GTPBP6: variants seen among roughly 807,000 people sequenced by gnomAD.
The protein encoded by GTPBP6 is putative GTP-binding protein 6.
Under a neutral mutation model 28.9 loss-of-function variants are expected in GTPBP6, and 33 were observed. The ratio of observed to expected loss-of-function variants is 1.14; its 90% confidence interval spans 0.87 to 1.53. The LOEUF is 1.53. Ranked by LOEUF, GTPBP6 falls within the 40% of genes most tolerant of loss-of-function variation. The probability of loss-of-function intolerance (pLI) is 0.00; values close to 1 mark genes in which losing one functional copy is unlikely to be tolerated. For synonymous variants in GTPBP6, 231 were observed against 192.7 expected, an observed-to-expected ratio of 1.20 and a Z score of -1.65; for missense variants, 507 against 408.3, an observed-to-expected ratio of 1.24 and a Z score of -2.08.
At chrX:315,321 G>T (rs1214354687) in intron 2 of GTPBP6, 22 bp from the exon 3 acceptor site, 5 of 398,266 alleles carry the variant, frequency 1.3e-5, no homozygotes, top group African/African-American at 8.2e-5. Context: ...AGGGGGTCCC[G>T]TCAGAGGCTG....
exon 6 of GTPBP6, chrX:312,800 G>A (rs1477975733): frequency 3.1e-6 from 5 of 1,612,374 alleles, no homozygotes; most frequent in African/African-American, 1.3e-5. Flanking sequence ...AGATCACGGG[G>A]AACTCCCGCC....
chrX:312,073 GGA>G (rs2070313175), intron 6 of GTPBP6: 2 of 454,100 alleles, frequency 4.4e-6, no homozygotes, highest in South Asian at 3.5e-5. Flanking sequence ...TGTAGACAGA[GGA>G]GAGGCGATGG....
rs778447172 is a variant in GTPBP6 at position 312,833 on chromosome X, G to A, written c.849C>T (p.His283=). ...GCCTCGTCCGCTGCCGGCGGAGCAG[G>A]TGCCTCTTCTTGCGAAGCCTGTCCA... Residue 283 remains histidine, a synonymous_variant, in exon 6 of 10, where the codon CAC becomes CAT. Transcript: ENST00000326153. 166 of 1,612,866 alleles carry A rather than the reference G, an allele frequency of 1.0e-4. 2 individuals carry two copies. In the South Asian group the frequency reaches 1.8e-3, roughly 17 times the overall value.
intron 1 of GTPBP6, among the ~76,000 whole-genome samples, chrX:317,489 C>T (rs1386985833): frequency 1.4e-5 from 2 of 142,786 alleles, no homozygotes; most frequent in East Asian, 2.0e-4. Context: ...CAGGAGCTTC[C>T]AAGGGAAAAA....
At chrX:308,699 CA>C (rs1416164153) in intron 7 of GTPBP6, among the ~76,000 whole-genome samples, 1 of 140,070 alleles carries the variant, frequency 7.1e-6, no homozygotes. Flanking sequence ...AAAGTAAAAA[CA>C]AAAAAAATAA....
Position 306,617 on chromosome X carries a change from G to A in GTPBP6, c.1427+743C>T, listed in dbSNP as rs759481186. 3.3e-5 allele frequency among the ~76,000 whole-genome samples: 5 copies of A among 149,964 alleles called. No individual in the cohort carries two copies. In the South Asian group the frequency reaches 1.1e-3, roughly 32 times the overall value. On this transcript the variant is annotated intron_variant, in intron 9 of 9. Transcript: ENST00000326153. ...ATTAGGCACCTGTTGTATGCAGTCA[G>A]AAATGTACATTTTGACTGTCAGCAC...
In GTPBP6 at chrX:307,979, G is replaced by A. The variant is rs1487216985; in HGVS notation, c.1126-99C>T. 3.6e-6 allele frequency: 4 copies of A among 1,099,892 alleles called. 1 individual carries two copies. Among genetic ancestry groups the A allele is most frequent in the South Asian group, 2.2e-5 (1 of 45,464 alleles). 68.1% of individuals were successfully genotyped at this position (1,099,892 alleles called of 1,614,324 possible). On this transcript the variant is annotated intron_variant, in intron 7 of 9. Coordinates refer to ENST00000326153, the Ensembl canonical transcript of GTPBP6. ...AGAGGGGCTCACACGAGCTCCCAAC[G>A]ACAGGCTGGGCATGGGAGGTACGCC...
intron 4 of GTPBP6, among the ~76,000 whole-genome samples, chrX:314,496 G>A (rs1336987191): frequency 3.3e-5 from 5 of 149,746 alleles, no homozygotes; most frequent in African/African-American, 9.8e-5. Context: ...TTTTTTAGAC[G>A]GAGTCTCGCT....
At chrX:317,661 A>AG (rs1250337377) in intron 1 of GTPBP6, among the ~76,000 whole-genome samples, 2 of 150,204 alleles carry the variant, frequency 1.3e-5, no homozygotes, top group Non-Finnish European at 3.0e-5. Flanking sequence ...AGAGAAACGT[A>AG]GGTCCCATCG....
At chrX:307,776 C>T (rs1441364311) in exon 8 of GTPBP6, 4 of 1,535,150 alleles carry the variant, frequency 2.6e-6, no homozygotes, top group South Asian at 1.2e-5. Flanking sequence ...CCATGGAGTC[C>T]AGGAGCGGGG....
At position 305,190 on chromosome X, in the gene GTPBP6, A is replaced by G. The variant is rs749841567; in HGVS notation, c.1435T>C (p.Tyr479His). 14 of 1,613,186 alleles carry G rather than the reference A, an allele frequency of 8.7e-6. No homozygotes were observed. In the Admixed American group the frequency reaches 1.8e-4, roughly 21 times the overall value. Residue 479 changes from tyrosine (Y) to histidine (H), a missense_variant, in exon 10 of 10, where the codon TAT becomes CAT. Coordinates refer to ENST00000326153, the Ensembl canonical transcript of GTPBP6. ...ACCTCCTGAACTGTGGCCTCCTTATACAGCCAGCTGGGCACAGATGCGCGT... is the reference window on the plus strand; with the variant it reads ...ACCTCCTGAACTGTGGCCTCCTTATGCAGCCAGCTGGGCACAGATGCGCGT...
exon 10 of GTPBP6, chrX:305,052 G>C (rs377648635): frequency 6.2e-7 from 1 of 1,609,850 alleles, no homozygotes; most frequent in Non-Finnish European, 8.5e-7. Flanking sequence ...CCCCCACCCC[G>C]CAGGCCTCTG....
chrX:315,400 A>C (rs1602978094), intron 2 of GTPBP6, 101 bp from the exon 3 acceptor site: 3 of 398,422 alleles, frequency 7.5e-6, no homozygotes, highest in South Asian at 1.3e-4. Flanking sequence ...CGGAGAGCTC[A>C]CTTCACAGGC....
chrX:311,360 C>T, intron 7 of GTPBP6, 59 bp downstream of exon 7: 2 of 1,193,086 alleles, frequency 1.7e-6, no homozygotes, highest in Non-Finnish European at 2.4e-6. Flanking sequence ...TGTCTGAGTG[C>T]CCAGCCCCCG....
chrX:317,174 G>A (rs1184223700), intron 1 of GTPBP6, 123 bp from the exon 2 acceptor site: 4 of 397,958 alleles, frequency 1.0e-5, no homozygotes, highest in African/African-American at 8.2e-5. Flanking sequence ...TTGAGCCGCC[G>A]TTTGTCCCCC....
intron 6 of GTPBP6, chrX:311,844 G>A (rs949538658): frequency 1.3e-4 from 76 of 591,326 alleles, no homozygotes; most frequent in East Asian, 1.2e-3. Context: ...GCCGCCGTGC[G>A]GACACGGGGG....
At chrX:305,045 C>T in exon 10 of GTPBP6, 1 of 1,609,054 alleles carries the variant, frequency 6.2e-7, no homozygotes, top group Non-Finnish European at 8.5e-7. Context: ...AGCGATGCCC[C>T]CACCCCGCAG....
intron 1 of GTPBP6, 51 bp downstream of exon 1, chrX:318,388 C>A (rs1334899203): frequency 2.5e-6 from 1 of 398,124 alleles, no homozygotes; most frequent in African/African-American, 2.1e-5. Context: ...CAGAGCCCCG[C>A]CCCCAGGTCT....
At chrX:308,072 G>A (rs941615029) in intron 7 of GTPBP6, among the ~76,000 whole-genome samples, 192 bp from the exon 8 acceptor site, 51 of 152,100 alleles carry the variant, frequency 3.4e-4, no homozygotes, top group Non-Finnish European at 4.3e-4. Flanking sequence ...GAGCCCACCC[G>A]GCTGCACTTA....
Sources: allele counts gnomAD v4.1 joint callset (sites outside exome capture counted in the v4.1 genomes callset), GRCh38; gene constraint gnomAD v4.1.1; transcripts MANE v1.5; gene names NCBI Gene and HGNC (gene_info 2026-07-23, HGNC 2026-07-21).